Variants in ATP2B4 observed in about 807,000 individuals in gnomAD.
ATP2B4 encodes plasma membrane calcium-transporting ATPase 4.
In ATP2B4, 39 loss-of-function variants were observed where a neutral mutation model predicts 110.3. That is an observed-to-expected ratio of 0.35 (90% CI 0.27 to 0.46). The LOEUF is 0.46. ATP2B4 is among the 20% of genes least tolerant of loss of function. The pLI, the probability that ATP2B4 is intolerant of heterozygous loss-of-function variation, is 1.00. For missense variants in ATP2B4, 1,135 were observed against 1,530.9 expected, an observed-to-expected ratio of 0.74 and a Z score of 4.32; for synonymous variants, 538 against 571.7, an observed-to-expected ratio of 0.94 and a Z score of 0.84.
At chr1:203,661,000 T>G (rs899893985) in intron 1 of ATP2B4, among the ~76,000 whole-genome samples, 1 of 143,978 alleles carries the variant, frequency 6.9e-6, no homozygotes, top group Non-Finnish European at 1.5e-5. Flanking sequence ...GTTCCAGCTA[T>G]TTGGGAGGCC....
chr1:203,718,481 G>A (rs1465313925), intron 15 of ATP2B4, among the ~76,000 whole-genome samples: 1 of 151,692 alleles, frequency 6.6e-6, no homozygotes, highest in South Asian at 2.1e-4. Flanking sequence ...GTATTTTTTA[G>A]TAGAGATGGA....
At chr1:203,642,392 T>A (rs114296240) in intron 1 of ATP2B4, among the ~76,000 whole-genome samples, 1 of 152,218 alleles carries the variant, frequency 6.6e-6, no homozygotes, top group African/African-American at 2.4e-5. Flanking sequence ...CCTCACAGTC[T>A]GCTTTGATGG....
At chr1:203,648,657 A>C (rs1663885999) in intron 1 of ATP2B4, among the ~76,000 whole-genome samples, 1 of 152,216 alleles carries the variant, frequency 6.6e-6, no homozygotes, top group South Asian at 2.1e-4. Flanking sequence ...GGGTTCACCC[A>C]TGAGCTGGTA....
In ATP2B4 at chr1:203,699,875, C is replaced by A. The variant is rs555251145; in HGVS notation, c.649+158C>A. 3.2e-4 allele frequency among the ~76,000 whole-genome samples: 49 copies of A among 152,274 alleles called. 2 individuals are homozygous for A. The highest frequency in any genetic ancestry group is 1.1e-3 in the African/African-American group (47 of 41,544). ...TAGAGTTTAAAGAGGTTGTGGGAAG[C>A]CATTTCAGAAAGGAGTAGCTGAAAC... On this transcript the variant is annotated intron_variant, in intron 4 of 20. Coordinates refer to ENST00000357681, the MANE Select transcript of ATP2B4 (RefSeq NM_001684.5).
intron 20 of ATP2B4, chr1:203,733,514 T>C: frequency 2.6e-6 from 3 of 1,166,510 alleles, no homozygotes; most frequent in Non-Finnish European, 3.5e-6. Context: ...CCCTTTGATA[T>C]TTTGACTTAA....
At chr1:203,721,875 C>A (rs7522785) in intron 17 of ATP2B4, among the ~76,000 whole-genome samples, 146,622 of 151,748 alleles carry the variant, frequency 0.97, 70,990 homozygotes, top group East Asian at 1. Flanking sequence ...GTTGGCCAGG[C>A]TGGGCTCGAT....
At chr1:203,694,767 G>C (rs1665483323) in intron 2 of ATP2B4, among the ~76,000 whole-genome samples, 1 of 152,188 alleles carries the variant, frequency 6.6e-6, no homozygotes, top group South Asian at 2.1e-4. Context: ...ATTGAGAAGA[G>C]ACTAAGAACA....
rs190804214 is a variant in ATP2B4 at position 203,683,828 on chromosome 1, C to T, written c.193+430C>T. On this transcript the variant is annotated intron_variant, in intron 2 of 20. Coordinates refer to ENST00000357681, the MANE Select transcript of ATP2B4 (RefSeq NM_001684.5). Reference sequence around the variant, plus strand: ...AGCTAGGACCACAGGTGTGTGCCATCACACCCAGCTAGCTTTTTAGATTTT... The same window carrying T: ...AGCTAGGACCACAGGTGTGTGCCATTACACCCAGCTAGCTTTTTAGATTTT... Among the ~76,000 whole-genome samples the T allele has an allele frequency of 3.6e-4, 55 of 152,006 alleles. No homozygotes were observed. The East Asian group carries it at 9.1e-3, about 25-fold the overall frequency.
chr1:203,733,682 AGTTTT>A (rs1666799244), intron 20 of ATP2B4: 1 of 374,538 alleles, frequency 2.7e-6, no homozygotes, highest in South Asian at 6.6e-5. Context: ...CCTTTTCTTG[AGTTTT>A]GTTTTGTTTT....
At chr1:203,632,039 C>T (rs1459199322) in intron 1 of ATP2B4, among the ~76,000 whole-genome samples, 2 of 151,926 alleles carry the variant, frequency 1.3e-5, no homozygotes, top group African/African-American at 4.8e-5. Flanking sequence ...GGCAATCTAC[C>T]TGCCTGAGCT....
chr1:203,703,164 CGAGAGAGA>C (rs144760902), intron 7 of ATP2B4, among the ~76,000 whole-genome samples: 267 of 145,130 alleles, frequency 1.8e-3, no homozygotes, highest in South Asian at 7.1e-3. Context: ...CCCTGACAAT[CGAGAGAGA>C]GAGAGAGAGA....
At position 203,740,141 on chromosome 1, in the gene ATP2B4, A is replaced by G. The variant is rs1264731135; in HGVS notation, c.*287A>G. The stretch of plus-strand genomic sequence containing the variant: ...TGTCATTTTTAAAGAAATGATGACA[A>G]TCCTCTTGGCATCACCCCACCCCAC... On this transcript the variant is annotated 3_prime_UTR_variant, in exon 21 of 21. Coordinates refer to ENST00000357681, the MANE Select transcript of ATP2B4 (RefSeq NM_001684.5). The G allele has an allele frequency of 8.3e-6, 3 of 360,186 alleles. No homozygotes were observed. Among genetic ancestry groups the G allele is most frequent in the Non-Finnish European group, 1.5e-5 (3 of 198,202 alleles). The allele number at this position is 360,186 out of a possible 1,614,324, so 22.3% of individuals were successfully genotyped here. A position where few individuals can be genotyped will look rare whatever the true frequency, so the allele number is the denominator to read the frequency against.
intron 11 of ATP2B4, 142 bp downstream of exon 11, chr1:203,709,684 C>T (rs185303407): frequency 1.5e-6 from 2 of 1,338,610 alleles, no homozygotes; most frequent in East Asian, 2.4e-5. Context: ...AGCGTCTACT[C>T]AGGCCACGCA....
chr1:203,631,904 C>T (rs1663280926), intron 1 of ATP2B4, among the ~76,000 whole-genome samples: 2 of 152,106 alleles, frequency 1.3e-5, no homozygotes, highest in African/African-American at 4.8e-5. Context: ...AAGCAATTCT[C>T]CTGTCTCAGC....
chr1:203,734,670 C>T (rs1427396250), intron 20 of ATP2B4, among the ~76,000 whole-genome samples: 1 of 146,446 alleles, frequency 6.8e-6, no homozygotes, highest in Non-Finnish European at 1.5e-5. Flanking sequence ...AGCACCATTG[C>T]ACTCCAACCT....
In ATP2B4 at chr1:203,708,124, A is replaced by G; in HGVS notation, c.1557+20A>G. The G allele has an allele frequency of 2.5e-6, 4 of 1,612,188 alleles. No individual in the cohort carries two copies. The highest frequency in any genetic ancestry group is 2.5e-6 in the Non-Finnish European group (3 of 1,178,332). Reference sequence around the variant, plus strand: ...ATTCTGGTAAGCATTTCCTTTGCGTAGACACTTAGAGTGGGTGGTTGGAAG... The same window carrying G: ...ATTCTGGTAAGCATTTCCTTTGCGTGGACACTTAGAGTGGGTGGTTGGAAG... On this transcript the variant is annotated intron_variant, in intron 10 of 20. Transcript: ENST00000357681.
Position 203,711,276 on chromosome 1 carries a change from G to T in ATP2B4, c.2031+168G>T, listed in dbSNP as rs780908790. On this transcript the variant is annotated intron_variant, in intron 12 of 20. Coordinates refer to ENST00000357681, the MANE Select transcript of ATP2B4 (RefSeq NM_001684.5). ...TGGAGTGCCAGTATGATCGAATGTG[G>T]CATTCCTAGGACTAATGCTGTCTGA... Among the ~76,000 whole-genome samples, 12 of 152,122 alleles carry T rather than the reference G, an allele frequency of 7.9e-5. 1 individual carries two copies. Among genetic ancestry groups the T allele is most frequent in the Admixed American group, 7.2e-4 (11 of 15,260 alleles).
chr1:203,726,299 C>T (rs896378908), intron 19 of ATP2B4, among the ~76,000 whole-genome samples: 8 of 152,038 alleles, frequency 5.3e-5, no homozygotes, highest in Non-Finnish European at 1.2e-4. Flanking sequence ...AAGTCCTGGG[C>T]TCAAGCAATC....
chr1:203,663,234 T>C (rs1375940444), intron 1 of ATP2B4, among the ~76,000 whole-genome samples: 1 of 152,246 alleles, frequency 6.6e-6, no homozygotes, highest in African/African-American at 2.4e-5. Context: ...GCCTTCTTAA[T>C]ATGGGTGTAT....
Sources: allele counts gnomAD v4.1 joint callset (sites outside exome capture counted in the v4.1 genomes callset), GRCh38; gene constraint gnomAD v4.1.1; transcripts MANE v1.5; gene names NCBI Gene and HGNC (gene_info 2026-07-23, HGNC 2026-07-21).